The following SMIM41 variants were observed in gnomAD, a reference collection of about 807,000 sequenced individuals.
SMIM41 encodes small integral membrane protein 41.
At chr12:52,084,133 T>C (rs1371610572) in intron 2 of SMIM41, among the ~76,000 whole-genome samples, 165 bp downstream of exon 2, 1 of 152,078 alleles carries the variant, frequency 6.6e-6, no homozygotes, top group Admixed American at 6.5e-5. Context: ...GCCAGCACTT[T>C]GGGAGGCCGA....
chr12:52,096,833 G>A (rs561884862), intron 2 of SMIM41, among the ~76,000 whole-genome samples: 27 of 151,684 alleles, frequency 1.8e-4, no homozygotes, highest in Admixed American at 3.3e-4. Context: ...TCACAATATC[G>A]CAGAAAATGT....
At chr12:52,107,277 T>C (rs981853121) in intron 2 of SMIM41, 102 bp from the exon 3 acceptor site, 6 of 415,122 alleles carry the variant, frequency 1.4e-5, no homozygotes, top group Non-Finnish European at 2.4e-5. Context: ...TGGGTGTTGG[T>C]TTACTTGTTT....
At chr12:52,091,385 C>T in intron 2 of SMIM41, among the ~76,000 whole-genome samples, 1 of 152,240 alleles carries the variant, frequency 6.6e-6, no homozygotes, top group East Asian at 1.9e-4. Flanking sequence ...AACCCATTCA[C>T]CCCTATGAGA....
chr12:52,082,018 C>G (rs1365354934), intron 1 of SMIM41: 2 of 152,442 alleles, frequency 1.3e-5, no homozygotes, highest in Admixed American at 6.5e-5. Context: ...GCCACTGCCC[C>G]CTTCCCATCC....
intron 2 of SMIM41, among the ~76,000 whole-genome samples, chr12:52,089,943 G>C (rs1006890740): frequency 3.3e-5 from 5 of 152,246 alleles, no homozygotes; most frequent in Admixed American, 6.5e-5. Context: ...GTCTTTTTTG[G>C]GGGGGACACA....
intron 2 of SMIM41, among the ~76,000 whole-genome samples, chr12:52,092,890 A>G (rs771002351): frequency 6.6e-6 from 1 of 152,216 alleles, no homozygotes; most frequent in Non-Finnish European, 1.5e-5. Flanking sequence ...TTTAGAAAAA[A>G]CACATTTTGG....
At position 52,079,803 on chromosome 12, in the gene SMIM41, C is replaced by T. The variant is rs1177219808; in HGVS notation, c.24C>T (p.Ala8=). The change falls in exon 1 of 3, where the codon GCC becomes GCT. Residue 8 remains alanine, a synonymous_variant. Transcript: ENST00000546390. ...GCATGAACGGCTCTCAGGCGGGCGC[C>T]GCGGCTCAGGCCGCCTGGCTGAGCT... MNGSQAG[A]AAQAAWLSSC... is the part of the protein sequence containing the mutation. 2.5e-6 allele frequency: 1 copy of T among 393,682 alleles called. No homozygotes were observed. Among genetic ancestry groups the T allele is most frequent in the Non-Finnish European group, 4.5e-6 (1 of 222,656 alleles). 24.4% of individuals were successfully genotyped at this position (393,682 alleles called of 1,614,324 possible).
In SMIM41 at chr12:52,094,133, G is replaced by GAAA. The variant is rs71092745; in HGVS notation, c.*195+10175_*195+10177dup. On this transcript the variant is annotated intron_variant, in intron 2 of 2. Transcript: ENST00000546390. ...GTGACAGAGCAAGACTCCATCTCCGGAAAAAAAAAAAAGAAAAAGAAAAAA... is the reference window on the plus strand; with the variant it reads ...GTGACAGAGCAAGACTCCATCTCCGGAAAAAAAAAAAAAAAGAAAAAGAAAAAA... Among the ~76,000 whole-genome samples, 429 of 128,420 alleles carry GAAA rather than the reference G, an allele frequency of 3.3e-3. 9 individuals carry two copies. Among genetic ancestry groups the GAAA allele is most frequent in the East Asian group, 0.016 (72 of 4,498 alleles). The allele number at this position is 128,420 out of a possible 152,430, so 84.2% of individuals were successfully genotyped here.
intron 2 of SMIM41, among the ~76,000 whole-genome samples, chr12:52,089,478 C>T (rs146276079): frequency 3.9e-5 from 6 of 152,188 alleles, no homozygotes; most frequent in African/African-American, 9.6e-5. Context: ...TGGTGCATGC[C>T]AGCTACTCTG....
intron 2 of SMIM41, among the ~76,000 whole-genome samples, chr12:52,101,910 T>C (rs1940224602): frequency 6.6e-6 from 1 of 152,102 alleles, no homozygotes; most frequent in Non-Finnish European, 1.5e-5. Context: ...CGGGGGTTTT[T>C]CCCTGTCGGT....
chr12:52,096,057 G>A (rs1940087777), intron 2 of SMIM41, among the ~76,000 whole-genome samples: 2 of 151,570 alleles, frequency 1.3e-5, no homozygotes, highest in South Asian at 4.2e-4. Context: ...ATAATATCCC[G>A]TGGTGGGTGT....
At chr12:52,103,357 C>CAAAAAAAAAAAAAAAAAAACAAAA (rs532598136) in intron 2 of SMIM41, among the ~76,000 whole-genome samples, 7 of 116,958 alleles carry the variant, frequency 6.0e-5, no homozygotes, top group Admixed American at 8.7e-5. Flanking sequence ...AAAATAAAAC[C>CAAAAAAAAAAAAAAAAAAACAAAA]AAAAAAAAAA....
intron 2 of SMIM41, chr12:52,087,464 C>T (rs550419101): frequency 2.0e-5 from 3 of 152,950 alleles, no homozygotes; most frequent in Non-Finnish European, 4.4e-5. Flanking sequence ...AGCCTGGCCT[C>T]CACCCGGCTA....
chr12:52,093,857 G>A (rs11503934), intron 2 of SMIM41, among the ~76,000 whole-genome samples: 20,602 of 151,970 alleles, frequency 0.14, 3,288 homozygotes, highest in African/African-American at 0.39. Flanking sequence ...CGGGTGGGGC[G>A]CGGTGGCTCA....
At chr12:52,085,216 G>A (rs1939876557) in intron 2 of SMIM41, among the ~76,000 whole-genome samples, 1 of 152,218 alleles carries the variant, frequency 6.6e-6, no homozygotes, top group African/African-American at 2.4e-5. Context: ...CTCCATGGTG[G>A]GAGCAGGCCT....
intron 2 of SMIM41, among the ~76,000 whole-genome samples, chr12:52,091,759 G>T (rs115878420): frequency 1.3e-3 from 202 of 152,336 alleles, no homozygotes; most frequent in African/African-American, 4.7e-3. Flanking sequence ...AAAAATGTAT[G>T]AACTCCCAGA....
intron 2 of SMIM41, among the ~76,000 whole-genome samples, chr12:52,101,905 G>T (rs1481554759): frequency 2.0e-5 from 3 of 152,080 alleles, no homozygotes; most frequent in Non-Finnish European, 2.9e-5. Flanking sequence ...AGAGACGGGG[G>T]TTTTTCCCTG....
In SMIM41 at chr12:52,101,681, C is replaced by A. The variant is rs138810197; in HGVS notation, c.*196-5698C>A. ...TCATTATGCTGGTTTTTAAGCTCTTCTCTTTCTGCTCTTGAAATCATGCTG... is the reference window on the plus strand; with the variant it reads ...TCATTATGCTGGTTTTTAAGCTCTTATCTTTCTGCTCTTGAAATCATGCTG... On this transcript the variant is annotated intron_variant, in intron 2 of 2. Coordinates refer to ENST00000546390, the MANE Select transcript of SMIM41 (RefSeq NM_001369216.1). Among the ~76,000 whole-genome samples the A allele has an allele frequency of 8.5e-5, 13 of 152,106 alleles. No individual in the cohort carries two copies. In the East Asian group the frequency reaches 2.3e-3, roughly 27 times the overall value.
At chr12:52,091,903 CT>C (rs1243957410) in intron 2 of SMIM41, 3 of 152,176 alleles carry the variant, frequency 2.0e-5, no homozygotes, top group African/African-American at 4.8e-5. Context: ...TATTGTCAGG[CT>C]CATCTTTTGG....
Sources: gnomAD v4.1 joint callset for allele counts (sites outside exome capture counted in the v4.1 genomes callset) on GRCh38, gnomAD v4.1.1 for gene constraint, MANE v1.5 for transcripts, NCBI Gene and HGNC (gene_info 2026-07-23, HGNC 2026-07-21) for gene names.